NALF1: variants seen among roughly 807,000 people sequenced by gnomAD.
NALF1 encodes the protein NALCN channel auxiliary factor 1.
NALF1 carries 3 observed loss-of-function variants against 48.4 expected under a neutral mutation model. The observed-to-expected ratio is 0.06, with a 90% CI of 0.03 to 0.16. The LOEUF is 0.16. Ranked by LOEUF, NALF1 falls within the 10% of genes least tolerant of loss-of-function variation. NALF1 has a pLI of 1.00. For synonymous variants in NALF1, 262 were observed against 245.7 expected, an observed-to-expected ratio of 1.07 and a Z score of -0.62; for missense variants, 526 against 571.5, an observed-to-expected ratio of 0.92 and a Z score of 0.81.
chr13:107,263,572 G>A (rs534039651), intron 1 of NALF1, among the ~76,000 whole-genome samples: 1 of 152,204 alleles, frequency 6.6e-6, no homozygotes, highest in South Asian at 2.1e-4. Context: ...TCTCATGGTA[G>A]TGAATAAGTC....
chr13:107,651,759 T>C (rs1342593224), intron 1 of NALF1, among the ~76,000 whole-genome samples: 2 of 152,130 alleles, frequency 1.3e-5, no homozygotes, highest in Non-Finnish European at 1.5e-5. Flanking sequence ...TCCACAAAAC[T>C]GTTTGCAATA....
intron 1 of NALF1, among the ~76,000 whole-genome samples, chr13:107,768,155 T>G (rs890266435): frequency 1.3e-5 from 2 of 152,196 alleles, no homozygotes; most frequent in East Asian, 3.9e-4. Flanking sequence ...GATACTTCAT[T>G]GATCCAATGC....
chr13:107,518,673 A>T (rs1213782111), intron 1 of NALF1, among the ~76,000 whole-genome samples: 1 of 152,182 alleles, frequency 6.6e-6, no homozygotes, highest in Non-Finnish European at 1.5e-5. Context: ...GTAAATGTAT[A>T]GTATTTTAGA....
intron 1 of NALF1, among the ~76,000 whole-genome samples, chr13:107,565,294 A>T (rs1287922300): frequency 6.7e-6 from 1 of 150,064 alleles, no homozygotes; most frequent in East Asian, 2.0e-4. Flanking sequence ...CTCATGCCAG[A>T]GCGTCCCTTG....
At chr13:107,281,845 CCAAA>C (rs954728695) in intron 1 of NALF1, among the ~76,000 whole-genome samples, 22 of 152,228 alleles carry the variant, frequency 1.4e-4, no homozygotes, top group African/African-American at 5.1e-4. Context: ...GGAGGAACTA[CCAAA>C]CACTTATAAA....
intron 1 of NALF1, among the ~76,000 whole-genome samples, chr13:107,802,142 T>C (rs1278824458): frequency 2.0e-5 from 3 of 152,198 alleles, no homozygotes; most frequent in African/African-American, 4.8e-5. Context: ...TTGTGTCAAA[T>C]ATAAATGTAA....
intron 1 of NALF1, among the ~76,000 whole-genome samples, chr13:107,664,043 T>C (rs1024113884): frequency 1.3e-5 from 2 of 152,158 alleles, no homozygotes; most frequent in African/African-American, 4.8e-5. Flanking sequence ...CAAGCCCATA[T>C]GTGTACCTTT....
chr13:107,761,324 C>T (rs994231009), intron 1 of NALF1, among the ~76,000 whole-genome samples: 3 of 151,348 alleles, frequency 2.0e-5, no homozygotes, highest in Non-Finnish European at 2.9e-5. Flanking sequence ...GCCACTGCAC[C>T]CCAGCCTGAG....
At chr13:107,806,936 C>G (rs971913398) in intron 1 of NALF1, among the ~76,000 whole-genome samples, 1 of 152,076 alleles carries the variant, frequency 6.6e-6, no homozygotes, top group Non-Finnish European at 1.5e-5. Context: ...TTCTATAATT[C>G]TTCTTCAAAG....
At chr13:107,257,928 G>A (rs541346059) in intron 1 of NALF1, among the ~76,000 whole-genome samples, 1 of 152,294 alleles carries the variant, frequency 6.6e-6, no homozygotes, top group Non-Finnish European at 1.5e-5. Flanking sequence ...GAAGTATTTA[G>A]CAAGTTGCAG....
At chr13:107,275,872 G>A (rs1881270123) in intron 1 of NALF1, among the ~76,000 whole-genome samples, 1 of 152,172 alleles carries the variant, frequency 6.6e-6, no homozygotes, top group African/African-American at 2.4e-5. Flanking sequence ...GTTTAGACCT[G>A]ACTGGGGCTG....
intron 1 of NALF1, among the ~76,000 whole-genome samples, chr13:107,309,599 C>T (rs536349662): frequency 1.5e-4 from 23 of 152,228 alleles, no homozygotes; most frequent in African/African-American, 5.3e-4. Context: ...CAAGGAAGGT[C>T]GAGCTGAAGA....
At chr13:107,815,671 C>G (rs944223414) in intron 1 of NALF1, among the ~76,000 whole-genome samples, 7 of 152,102 alleles carry the variant, frequency 4.6e-5, no homozygotes, top group Admixed American at 1.3e-4. Flanking sequence ...TATGTTCACA[C>G]AAAAACCTGT....
intron 1 of NALF1, among the ~76,000 whole-genome samples, chr13:107,244,703 CAT>C (rs1190075803): frequency 6.6e-6 from 1 of 152,100 alleles, no homozygotes; most frequent in African/African-American, 2.4e-5. Context: ...CCTTTCACAC[CAT>C]GTTTTTGAAA....
chr13:107,209,364 A>C (rs1879710231), intron 2 of NALF1, among the ~76,000 whole-genome samples: 1 of 152,036 alleles, frequency 6.6e-6, no homozygotes. Flanking sequence ...AAAATTAGCC[A>C]GGTGTGGTGG....
At chr13:107,800,189 G>A (rs1473266964) in intron 1 of NALF1, among the ~76,000 whole-genome samples, 1 of 152,148 alleles carries the variant, frequency 6.6e-6, no homozygotes, top group Non-Finnish European at 1.5e-5. Context: ...AGTGTGGTCT[G>A]AAGTTTTGTC....
intron 1 of NALF1, among the ~76,000 whole-genome samples, chr13:107,789,993 T>C (rs923381005): frequency 6.6e-6 from 1 of 152,242 alleles, no homozygotes; most frequent in African/African-American, 2.4e-5. Context: ...CTGTACACAA[T>C]ATTTGAAAAT....
intron 1 of NALF1, among the ~76,000 whole-genome samples, chr13:107,840,065 T>C (rs985549946): frequency 6.6e-6 from 1 of 152,242 alleles, no homozygotes; most frequent in African/African-American, 2.4e-5. Flanking sequence ...GTCAACACAG[T>C]TGATAAAACC....
In NALF1 at chr13:107,710,610, C is replaced by CAGGAGAGAGAGTGAGGA. The variant is rs1382073832; in HGVS notation, c.915+155071_915+155072insTCCTCACTCTCTCTCCT. Among the ~76,000 whole-genome samples, 1,387 of 152,026 alleles carry CAGGAGAGAGAGTGAGGA rather than the reference C, an allele frequency of 9.1e-3. 20 individuals are homozygous for CAGGAGAGAGAGTGAGGA. The highest frequency in any genetic ancestry group is 0.032 in the African/African-American group (1,309 of 41,408). ...AGAGAGAGTGAGAGGAAGTGCTACA[C>CAGGAGAGAGAGTGAGGA]TTTTAAACCCTCAGATCTCGTGAGA... is the stretch of plus-strand genomic sequence containing the variant. On this transcript the variant is annotated intron_variant, in intron 1 of 2. Transcript: ENST00000375915.
Sources: gnomAD v4.1 joint callset for allele counts (sites outside exome capture counted in the v4.1 genomes callset) on GRCh38, gnomAD v4.1.1 for gene constraint, MANE v1.5 for transcripts, NCBI Gene and HGNC (gene_info 2026-07-23, HGNC 2026-07-21) for gene names.